Variants in DPP10 observed in about 807,000 individuals in gnomAD.
DPP10 encodes the protein dipeptidyl peptidase like 10.
A neutral mutation model predicts 120.9 loss-of-function variants in DPP10; 33 were observed. The ratio of observed to expected loss-of-function variants is 0.27; its 90% confidence interval spans 0.21 to 0.37. The LOEUF (loss-of-function observed/expected upper bound fraction) is 0.37, where lower values mean the gene tolerates loss of function less well. DPP10 is among the 10% of genes least tolerant of loss of function. The probability of loss-of-function intolerance (pLI) is 1.00; values close to 1 mark genes in which losing one functional copy is unlikely to be tolerated. For synonymous variants in DPP10, 337 were observed against 326.1 expected (o/e 1.03, Z -0.36); for missense variants, 816 against 942.8 (o/e 0.87, Z 1.76).
In DPP10 at chr2:114,844,966, G is replaced by A. The variant is rs1688428195; in HGVS notation, c.60+402128G>A. On this transcript the variant is annotated intron_variant, in intron 1 of 25. Transcript: ENST00000410059. ...TCCCTTCTAACAGTCATGAAAAGTA[G>A]TAATATTTCACTTATTTTACAAGAA... 3.3e-5 allele frequency among the ~76,000 whole-genome samples: 5 copies of A among 152,194 alleles called. No individual in the cohort carries two copies. The South Asian group carries it at 1.0e-3, about 32-fold the overall frequency.
chr2:115,378,918 G>T (rs778391790), intron 3 of DPP10, among the ~76,000 whole-genome samples: 1 of 152,120 alleles, frequency 6.6e-6, no homozygotes, highest in Non-Finnish European at 1.5e-5. Context: ...GATCATGGTG[G>T]ATAAGCTTTT....
chr2:114,448,083 C>G (rs1678040198), intron 1 of DPP10, among the ~76,000 whole-genome samples: 1 of 151,998 alleles, frequency 6.6e-6, no homozygotes, highest in Admixed American at 6.6e-5. Context: ...ATAAATTCAG[C>G]TGTTTTTAAA....
At chr2:115,333,634 C>G (rs189792686) in intron 2 of DPP10, among the ~76,000 whole-genome samples, 23 of 152,228 alleles carry the variant, frequency 1.5e-4, no homozygotes, top group Admixed American at 2.6e-4. Flanking sequence ...GACAAAATCT[C>G]TCAGCATTTG....
intron 1 of DPP10, among the ~76,000 whole-genome samples, chr2:115,085,959 C>T (rs1708659194): frequency 6.6e-6 from 1 of 151,986 alleles, no homozygotes; most frequent in African/African-American, 2.4e-5. Flanking sequence ...AGGTGGGTAC[C>T]CTATATATCG....
chr2:115,535,810 C>T (rs2078791800), intron 5 of DPP10, among the ~76,000 whole-genome samples: 1 of 151,998 alleles, frequency 6.6e-6, no homozygotes, highest in Non-Finnish European at 1.5e-5. Flanking sequence ...TTGTAGTTCT[C>T]CTTGAAGAGG....
At chr2:114,619,403 G>A (rs1693916937) in intron 1 of DPP10, among the ~76,000 whole-genome samples, 1 of 151,596 alleles carries the variant, frequency 6.6e-6, no homozygotes, top group African/African-American at 2.4e-5. Flanking sequence ...GTGTGTGTGT[G>A]TGTGTGTGTA....
intron 1 of DPP10, among the ~76,000 whole-genome samples, chr2:115,152,193 A>G (rs2051602816): frequency 6.6e-6 from 1 of 152,248 alleles, no homozygotes; most frequent in African/African-American, 2.4e-5. Context: ...TACACTGTGT[A>G]GGCCATATGG....
chr2:115,160,227 AG>A (rs945441460), intron 1 of DPP10, among the ~76,000 whole-genome samples: 5 of 152,356 alleles, frequency 3.3e-5, no homozygotes, highest in Admixed American at 3.3e-4. Flanking sequence ...CAGAATAAAT[AG>A]GTCTTTCACA....
At chr2:114,697,014 T>C (rs1395228874) in intron 1 of DPP10, among the ~76,000 whole-genome samples, 1 of 152,116 alleles carries the variant, frequency 6.6e-6, no homozygotes, top group East Asian at 1.9e-4. Flanking sequence ...GTCATATTAA[T>C]TCTCTCTTTT....
At chr2:115,533,650 T>C (rs1009120810) in intron 5 of DPP10, among the ~76,000 whole-genome samples, 1 of 152,112 alleles carries the variant, frequency 6.6e-6, no homozygotes, top group Admixed American at 6.6e-5. Context: ...AATCTGGTTA[T>C]AGAATTATCT....
intron 5 of DPP10, among the ~76,000 whole-genome samples, chr2:115,631,184 T>A (rs965005602): frequency 6.6e-6 from 1 of 152,224 alleles, no homozygotes; most frequent in African/African-American, 2.4e-5. Flanking sequence ...TGTCCATTTC[T>A]TATAGATTTT....
intron 5 of DPP10, among the ~76,000 whole-genome samples, chr2:115,659,591 T>C (rs1471750586): frequency 2.6e-5 from 4 of 152,170 alleles, no homozygotes; most frequent in Non-Finnish European, 4.4e-5. Flanking sequence ...TAGCTACTCT[T>C]TTCCAAATGA....
intron 1 of DPP10, among the ~76,000 whole-genome samples, chr2:115,110,767 T>C (rs1363595983): frequency 2.0e-5 from 3 of 152,114 alleles, no homozygotes; most frequent in African/African-American, 7.2e-5. Flanking sequence ...TAAATAAATA[T>C]TTTGATTTTT....
At chr2:115,303,147 G>A (rs909279055) in intron 1 of DPP10, among the ~76,000 whole-genome samples, 10 of 151,782 alleles carry the variant, frequency 6.6e-5, no homozygotes, top group African/African-American at 2.2e-4. Context: ...AATTGAATTT[G>A]AATTTTCTTT....
intron 5 of DPP10, among the ~76,000 whole-genome samples, chr2:115,620,637 A>C (rs1340828730): frequency 6.6e-6 from 1 of 152,210 alleles, no homozygotes; most frequent in Non-Finnish European, 1.5e-5. Context: ...ACTTAAAAGC[A>C]TGACTTTTTA....
rs563014756 is a variant in DPP10 at position 114,898,266 on chromosome 2, C to A, written c.61-410973C>A. Among the ~76,000 whole-genome samples, 13 of 149,286 alleles carry A rather than the reference C, an allele frequency of 8.7e-5. No homozygotes were observed. The South Asian group carries it at 2.6e-3, about 29-fold the overall frequency. On this transcript the variant is annotated intron_variant, in intron 1 of 25. Transcript: ENST00000410059. Reference sequence around the variant, plus strand: ...CGCAAGGACAAAAAACCAAACACTGCATATTCTCACTCGTAGATGGGAATT... The same window carrying A: ...CGCAAGGACAAAAAACCAAACACTGAATATTCTCACTCGTAGATGGGAATT...
intron 1 of DPP10, among the ~76,000 whole-genome samples, chr2:114,744,658 C>G (rs1480248075): frequency 6.6e-6 from 1 of 152,178 alleles, no homozygotes; most frequent in Non-Finnish European, 1.5e-5. Flanking sequence ...GAGCTATGAC[C>G]TGGTGGAATC....
At chr2:114,507,447 G>A (rs147458143) in intron 1 of DPP10, among the ~76,000 whole-genome samples, 11 of 152,262 alleles carry the variant, frequency 7.2e-5, no homozygotes, top group Non-Finnish European at 7.3e-5. Flanking sequence ...TGATACGTAC[G>A]TGGTTATAGT....
intron 1 of DPP10, among the ~76,000 whole-genome samples, chr2:114,940,154 C>T (rs913831285): frequency 6.6e-6 from 1 of 152,124 alleles, no homozygotes; most frequent in South Asian, 2.1e-4. Flanking sequence ...CTGAACTGCT[C>T]TCCTTTCAAA....
Sources: allele counts gnomAD v4.1 joint callset (sites outside exome capture counted in the v4.1 genomes callset), GRCh38; gene constraint gnomAD v4.1.1; transcripts MANE v1.5; gene names NCBI Gene and HGNC (gene_info 2026-07-23, HGNC 2026-07-21).